The following CADPS variants were observed in gnomAD, a reference collection of about 807,000 sequenced individuals.
CADPS encodes calcium dependent secretion activator.
A neutral mutation model predicts 167.3 loss-of-function variants in CADPS; 57 were observed. The ratio of observed to expected loss-of-function variants is 0.34; its 90% CI spans 0.28 to 0.42. The LOEUF (loss-of-function observed/expected upper bound fraction) is 0.42, where lower values mean the gene tolerates loss of function less well. Ranked by LOEUF, CADPS falls within the 20% of genes least tolerant of loss-of-function variation. The pLI is 1.00. For missense variants in CADPS, 1,414 were observed against 1,738.1 expected (o/e 0.81, Z 3.32); for synonymous variants, 676 against 635.3 (o/e 1.06, Z -0.96).
chr3:62,481,734 T>C lies in CADPS; in HGVS notation c.3162A>G (p.Ile1054Met), dbSNP rs2150841106. ...AACTGAATACACACTCCGCATCATA[T>C]ATAGCAGCCATCCATGACGGTGCCG... ...TFSAPSWMAAIYDADNGSGTS... is the reference protein window; with the variant it reads ...TFSAPSWMAAMYDADNGSGTS... Residue 1054 changes from isoleucine to methionine, a missense_variant, in exon 22 of 30, where the codon ATA (isoleucine) becomes ATG (methionine). Ile to Met is a conservative substitution (Grantham distance 10). Coordinates refer to ENST00000383710, the MANE Select transcript of CADPS (RefSeq NM_003716.4). 1 of 1,603,204 alleles carries C rather than the reference T, an allele frequency of 6.2e-7. No individual in the cohort carries two copies. Among genetic ancestry groups the C allele is most frequent in the Non-Finnish European group, 8.5e-7 (1 of 1,176,970 alleles).
intron 1 of CADPS, among the ~76,000 whole-genome samples, chr3:62,848,526 T>C (rs1438266939): frequency 7.1e-6 from 1 of 141,526 alleles, no homozygotes; most frequent in Non-Finnish European, 1.5e-5. Context: ...GCACCATTTA[T>C]TAAATAGGGA....
chr3:62,556,919 A>T (rs2078241976), intron 10 of CADPS, among the ~76,000 whole-genome samples: 2 of 151,580 alleles, frequency 1.3e-5, no homozygotes, highest in Admixed American at 1.3e-4. Flanking sequence ...AATTGTAGCT[A>T]GGGAAAATGG....
At chr3:62,632,491 G>A (rs538981548) in intron 6 of CADPS, among the ~76,000 whole-genome samples, 15 of 152,082 alleles carry the variant, frequency 9.9e-5, no homozygotes, top group Admixed American at 8.5e-4. Flanking sequence ...TGTTGGGAAG[G>A]GTCCTGGGTC....
chr3:62,839,288 G>A (rs148807169), intron 1 of CADPS, among the ~76,000 whole-genome samples: 42 of 152,190 alleles, frequency 2.8e-4, no homozygotes, highest in African/African-American at 9.6e-4. Flanking sequence ...TCTGCCTCCC[G>A]GGTTTAAGCG....
At chr3:62,722,535 C>T (rs761261350) in intron 3 of CADPS, among the ~76,000 whole-genome samples, 63 of 152,304 alleles carry the variant, frequency 4.1e-4, no homozygotes, top group Non-Finnish European at 6.6e-4. Context: ...GAGGCTGGAG[C>T]CAGAAAGTGA....
chr3:62,444,611 G>A (rs2056913232), intron 27 of CADPS, among the ~76,000 whole-genome samples: 1 of 152,168 alleles, frequency 6.6e-6, no homozygotes, highest in South Asian at 2.1e-4. Context: ...TCTACCTGAA[G>A]GAATCTGAGG....
intron 29 of CADPS, among the ~76,000 whole-genome samples, chr3:62,400,812 A>C (rs1370849541): frequency 2.0e-5 from 3 of 151,792 alleles, no homozygotes; most frequent in Non-Finnish European, 4.4e-5. Context: ...GTTGGCCAGG[A>C]TGGTCTTGAT....
intron 1 of CADPS, among the ~76,000 whole-genome samples, chr3:62,791,402 G>A (rs2092934024): frequency 6.6e-6 from 1 of 152,196 alleles, no homozygotes; most frequent in Non-Finnish European, 1.5e-5. Flanking sequence ...TTGCTATATA[G>A]AATATGTCTC....
At chr3:62,569,502 G>C (rs1201534364) in intron 9 of CADPS, among the ~76,000 whole-genome samples, 1 of 152,220 alleles carries the variant, frequency 6.6e-6, no homozygotes, top group Non-Finnish European at 1.5e-5. Flanking sequence ...TGAAAGCAAA[G>C]ATGACCTCTT....
chr3:62,509,383 C>T (rs930401294), intron 17 of CADPS, among the ~76,000 whole-genome samples: 4 of 151,666 alleles, frequency 2.6e-5, no homozygotes, highest in African/African-American at 9.7e-5. Flanking sequence ...AGATGGTCCT[C>T]ATCTCAGAAT....
intron 17 of CADPS, among the ~76,000 whole-genome samples, chr3:62,504,248 C>A (rs1440708840): frequency 6.6e-6 from 1 of 152,058 alleles, no homozygotes; most frequent in Non-Finnish European, 1.5e-5. Context: ...TAAATGATAA[C>A]CATTTAAAAG....
chr3:62,690,577 G>A (rs2078920589), intron 3 of CADPS, among the ~76,000 whole-genome samples: 2 of 151,780 alleles, frequency 1.3e-5, no homozygotes, highest in Admixed American at 6.6e-5. Context: ...CTGTCCCTGT[G>A]TCCATGCGGC....
intron 3 of CADPS, among the ~76,000 whole-genome samples, chr3:62,738,523 A>C (rs1298014594): frequency 6.6e-6 from 1 of 152,138 alleles, no homozygotes; most frequent in Admixed American, 6.5e-5. Context: ...CAGGAGATCA[A>C]GATCAGCCTG....
At chr3:62,734,101 A>G (rs1180968128) in intron 3 of CADPS, among the ~76,000 whole-genome samples, 1 of 152,176 alleles carries the variant, frequency 6.6e-6, no homozygotes, top group Non-Finnish European at 1.5e-5. Flanking sequence ...ATAAATATGC[A>G]TATGCATGTG....
At chr3:62,519,718 CAAGT>C (rs1315279032) in intron 13 of CADPS, among the ~76,000 whole-genome samples, 5 of 152,128 alleles carry the variant, frequency 3.3e-5, no homozygotes, top group African/African-American at 9.7e-5. Flanking sequence ...CTCCTGGCCT[CAAGT>C]GATTCTTCTG....
intron 6 of CADPS, among the ~76,000 whole-genome samples, chr3:62,629,315 A>C (rs1229012740): frequency 6.6e-6 from 1 of 152,134 alleles, no homozygotes; most frequent in East Asian, 1.9e-4. Context: ...GGCAACCACT[A>C]ATCTACTTTC....
intron 11 of CADPS, among the ~76,000 whole-genome samples, chr3:62,538,924 T>TG (rs1157796432): frequency 2.6e-5 from 4 of 152,258 alleles, no homozygotes; most frequent in Non-Finnish European, 4.4e-5. Context: ...TCCATCACAA[T>TG]GGCTCAATGA....
At chr3:62,434,726 A>G (rs537741609) in intron 28 of CADPS, among the ~76,000 whole-genome samples, 1 of 152,320 alleles carries the variant, frequency 6.6e-6, no homozygotes, top group South Asian at 2.1e-4. Context: ...AGCACTGGGT[A>G]GGGGCCTAGT....
chr3:62,662,075 T>TC (rs1484019455), intron 4 of CADPS, among the ~76,000 whole-genome samples: 1 of 152,160 alleles, frequency 6.6e-6, no homozygotes, highest in Non-Finnish European at 1.5e-5. Flanking sequence ...TGTCTGGAAC[T>TC]CAGAAGGAAT....
Sources: gnomAD v4.1 joint callset for allele counts (sites outside exome capture counted in the v4.1 genomes callset) on GRCh38, gnomAD v4.1.1 for gene constraint, MANE v1.5 for transcripts, NCBI Gene and HGNC (gene_info 2026-07-23, HGNC 2026-07-21) for gene names.